Variants in EFHB observed in about 807,000 individuals in gnomAD.
The protein encoded by EFHB is EF-hand domain-containing family member B.
Under a neutral mutation model 87.2 loss-of-function variants are expected in EFHB, and 91 were observed. That is an observed-to-expected ratio of 1.04 (90% CI 0.88 to 1.24). EFHB has a LOEUF of 1.24. EFHB is among the 50% of genes most tolerant of loss of function. EFHB has a pLI of 0.00. For synonymous variants in EFHB, 325 were observed against 333.6 expected, an observed-to-expected ratio of 0.97 and a Z score of 0.28; for missense variants, 1,084 against 998.8, an observed-to-expected ratio of 1.09 and a Z score of -1.15.
At position 19,910,350 on chromosome 3, in the gene EFHB, A is replaced by G. The variant is rs1695012044; in HGVS notation, c.1289-4601T>C. The stretch of plus-strand genomic sequence containing the variant: ...TGGCCTGGGGTGGCGGTGGCTACCC[A>G]GTGAGGTTCCTCTGTCTTTGGGAGG... On this transcript the variant is annotated intron_variant, in intron 5 of 12. Transcript: ENST00000295824. Among the ~76,000 whole-genome samples, 4 of 152,088 alleles carry G rather than the reference A, an allele frequency of 2.6e-5. No homozygotes were observed. In the South Asian group the frequency reaches 8.3e-4, roughly 32 times the overall value.
rs2071711644 is a variant in EFHB, at chr3:19,882,740, T to C, written c.2147-9A>G. On this transcript the variant is annotated splice_polypyrimidine_tract_variant and intron_variant, in intron 11 of 12. Transcript: ENST00000295824. ...ACCACAAATGGGGTAACCTAGGTCA[T>C]TGATGAGGGAAGAAAACAGACATTC... 1 of 1,607,530 alleles carries C rather than the reference T, an allele frequency of 6.2e-7. No homozygotes were observed. Among genetic ancestry groups the C allele is most frequent in the Non-Finnish European group, 8.5e-7 (1 of 1,175,804 alleles).
intron 5 of EFHB, among the ~76,000 whole-genome samples, chr3:19,913,888 A>T (rs993934207): frequency 6.6e-6 from 1 of 152,244 alleles, no homozygotes; most frequent in Admixed American, 6.5e-5. Context: ...ATACACCTAG[A>T]GTGAACTCAT....
intron 12 of EFHB, among the ~76,000 whole-genome samples, chr3:19,880,199 A>G (rs1325854934): frequency 2.0e-5 from 3 of 152,012 alleles, no homozygotes; most frequent in East Asian, 1.9e-4. Context: ...GGTCTTGTGT[A>G]TGTCACCTAA....
At chr3:19,939,436 G>C (rs1227381278) in intron 1 of EFHB, among the ~76,000 whole-genome samples, 6 of 133,754 alleles carry the variant, frequency 4.5e-5, no homozygotes, top group Admixed American at 1.8e-4. Flanking sequence ...CCAGGCTGGA[G>C]TGCAGTGGCG....
At chr3:19,905,886 C>T in intron 5 of EFHB, 137 bp from the exon 6 acceptor site, 1 of 1,072,938 alleles carries the variant, frequency 9.3e-7, no homozygotes. Context: ...AGAAACTGCA[C>T]AGATTTAGCT....
At chr3:19,942,876 C>G (rs1696191691) in intron 1 of EFHB, 1 of 156,830 alleles carries the variant, frequency 6.4e-6, no homozygotes, top group Non-Finnish European at 1.4e-5. Context: ...GCTTCACTGA[C>G]TTGCTGCCAC....
Position 19,906,917 on chromosome 3 carries a change from A to G in EFHB, c.1289-1168T>C, listed in dbSNP as rs1694861393. Among the ~76,000 whole-genome samples, 3 of 152,196 alleles carry G rather than the reference A, an allele frequency of 2.0e-5. 1 individual carries two copies. The highest frequency in any genetic ancestry group is 4.1e-4 in the South Asian group (2 of 4,828). ...CCCAGAAATAAATCCAAACATATAC[A>G]ATACACTAATTTTCAACAAGGGCAG... On this transcript the variant is annotated intron_variant, in intron 5 of 12. Coordinates refer to ENST00000295824, the MANE Select transcript of EFHB (RefSeq NM_144715.4).
At chr3:19,943,915 TCAAA>T (rs2125173051) in intron 1 of EFHB, among the ~76,000 whole-genome samples, 1 of 152,352 alleles carries the variant, frequency 6.6e-6, no homozygotes, top group Non-Finnish European at 1.5e-5. Context: ...TAATATCATA[TCAAA>T]CAGTGCTGTT....
intron 9 of EFHB, among the ~76,000 whole-genome samples, chr3:19,889,356 C>T (rs1395111620): frequency 6.6e-6 from 1 of 152,162 alleles, no homozygotes; most frequent in South Asian, 2.1e-4. Flanking sequence ...ATCAAGCCAA[C>T]CTTAAATCCA....
chr3:19,921,891 A>G (rs1695450123), intron 1 of EFHB, among the ~76,000 whole-genome samples: 2 of 152,138 alleles, frequency 1.3e-5, no homozygotes, highest in Non-Finnish European at 1.5e-5. Context: ...GCTGCCAGGC[A>G]AGGTGGCTCA....
At chr3:19,944,735 G>GT (rs755396375) in intron 1 of EFHB, among the ~76,000 whole-genome samples, 4 of 147,794 alleles carry the variant, frequency 2.7e-5, no homozygotes, top group East Asian at 1.9e-4. Context: ...GAAATAGGGA[G>GT]TTTTTTGCAA....
In EFHB at chr3:19,879,809, A is replaced by G. The variant is rs756513557; in HGVS notation, c.2329-5T>C. ...GTTACACAATATCTCTGCAATCTAG[A>G]AAAAGGCATTTAAAATAGACCATGA... On this transcript the variant is annotated splice_polypyrimidine_tract_variant and splice_region_variant and intron_variant, in intron 12 of 12. Transcript: ENST00000295824. 6.4e-6 allele frequency: 10 copies of G among 1,570,780 alleles called. No individual in the cohort carries two copies. The Admixed American group carries it at 2.0e-4, about 32-fold the overall frequency.
chr3:19,891,448 T>C (rs1694302566), intron 9 of EFHB, among the ~76,000 whole-genome samples: 1 of 152,052 alleles, frequency 6.6e-6, no homozygotes, highest in Admixed American at 6.6e-5. Context: ...TCACAGAACC[T>C]CCTCTAAATG....
chr3:19,920,398 C>T (rs1695395943), intron 2 of EFHB, 107 bp downstream of exon 2: 6 of 898,980 alleles, frequency 6.7e-6, no homozygotes, highest in Non-Finnish European at 1.0e-5. Context: ...TCCAAATTGA[C>T]CACATTAAGT....
At chr3:19,945,189 C>T (rs1243936067) in intron 1 of EFHB, among the ~76,000 whole-genome samples, 1 of 152,098 alleles carries the variant, frequency 6.6e-6, no homozygotes. Flanking sequence ...AGGCAATATT[C>T]AGGGAACACA....
intron 3 of EFHB, 83 bp from the exon 4 acceptor site, chr3:19,918,495 G>A (rs1695316839): frequency 1.6e-6 from 2 of 1,269,448 alleles, no homozygotes; most frequent in East Asian, 2.5e-5. Flanking sequence ...TAGCTGGGGA[G>A]AGGAGACTGT....
At chr3:19,884,207 T>C (rs149473915) in intron 11 of EFHB, among the ~76,000 whole-genome samples, 196 bp downstream of exon 11, 21 of 152,318 alleles carry the variant, frequency 1.4e-4, no homozygotes, top group African/African-American at 4.3e-4. Flanking sequence ...TCATTTTACT[T>C]TGGTCATCAT....
At chr3:19,936,614 T>A (rs1696027769), upstream of EFHB, among the ~76,000 whole-genome samples, 2 of 152,020 alleles carry the variant, frequency 1.3e-5, no homozygotes, top group East Asian at 1.9e-4. Flanking sequence ...ATACCTGTAA[T>A]CCCAGCACTG....
In EFHB at chr3:19,919,766, T is replaced by C. The variant is rs554708323; in HGVS notation, c.996+67A>G. 3 of 1,482,292 alleles carry C rather than the reference T, an allele frequency of 2.0e-6. No homozygotes were observed. In the South Asian group the frequency reaches 3.6e-5, roughly 18 times the overall value. The allele number at this position is 1,482,292 out of a possible 1,614,324, so 91.8% of individuals were successfully genotyped here. A position where few individuals can be genotyped will look rare whatever the true frequency, so the allele number is the denominator to read the frequency against. On this transcript the variant is annotated intron_variant, in intron 3 of 12. Transcript: ENST00000295824. ...GATTGGAACTGATGAATTTCACTAA[T>C]ACCTGATTTGTGCATTTTCACCTTG...
Sources: allele counts gnomAD v4.1 joint callset (sites outside exome capture counted in the v4.1 genomes callset), GRCh38; gene constraint gnomAD v4.1.1; transcripts MANE v1.5; gene names NCBI Gene and HGNC (gene_info 2026-07-23, HGNC 2026-07-21).